ADCY9: variants seen among roughly 807,000 people sequenced by gnomAD.
ADCY9 encodes the protein adenylate cyclase type 9.
ADCY9 carries 50 observed loss-of-function variants against 101.5 expected under a neutral mutation model. The observed-to-expected ratio is 0.49, with a 90% CI of 0.39 to 0.62. The LOEUF is 0.62. ADCY9 is among the 20% of genes least tolerant of loss of function. The probability of loss-of-function intolerance (pLI) is 0.00; values close to 1 mark genes in which losing one functional copy is unlikely to be tolerated. For synonymous variants in ADCY9, 905 were observed against 769.3 expected (o/e 1.18, Z -2.92); for missense variants, 1,662 against 1,800.4 (o/e 0.92, Z 1.39).
chr16:4,064,908 G>A (rs910090328), intron 2 of ADCY9, among the ~76,000 whole-genome samples: 17 of 152,168 alleles, frequency 1.1e-4, no homozygotes, highest in Admixed American at 3.9e-4. Context: ...TTTCCCTACA[G>A]GCTGATCCTT....
At chr16:4,037,869 A>G (rs1223116535) in intron 2 of ADCY9, among the ~76,000 whole-genome samples, 5 of 152,208 alleles carry the variant, frequency 3.3e-5, no homozygotes, top group Non-Finnish European at 7.3e-5. Context: ...AGCTGGTACT[A>G]GAAAAGAGAC....
At chr16:4,049,433 C>T (rs1465375249) in intron 2 of ADCY9, among the ~76,000 whole-genome samples, 3 of 152,174 alleles carry the variant, frequency 2.0e-5, no homozygotes, top group Admixed American at 2.0e-4. Flanking sequence ...CAGACCAAGA[C>T]CCTAGCCGAG....
intron 2 of ADCY9, among the ~76,000 whole-genome samples, chr16:4,011,083 C>T (rs991437204): frequency 2.4e-4 from 37 of 152,216 alleles, no homozygotes; most frequent in South Asian, 4.1e-4. Context: ...TGGAGACGGA[C>T]GGATCAGCAC....
At chr16:4,071,922 C>A (rs1038787656) in intron 2 of ADCY9, among the ~76,000 whole-genome samples, 1 of 151,978 alleles carries the variant, frequency 6.6e-6, no homozygotes, top group African/African-American at 2.4e-5. Flanking sequence ...GCGATTCTCG[C>A]GCCTCAGCCT....
chr16:4,025,863 T>C (rs2056511405), intron 2 of ADCY9, among the ~76,000 whole-genome samples: 1 of 152,030 alleles, frequency 6.6e-6, no homozygotes, highest in Non-Finnish European at 1.5e-5. Context: ...GTGGCTACGA[T>C]TGAGAGGATG....
rs965846411 is a variant in ADCY9, at chr16:4,082,487, C to A, written c.1693+31263G>T. On this transcript the variant is annotated intron_variant, in intron 2 of 10. Coordinates refer to ENST00000294016, the MANE Select transcript of ADCY9 (RefSeq NM_001116.4). Reference sequence around the variant, plus strand: ...TTCATGTCCTCCCCGTTCCCACACACCTACCTTCCTTACCAGCAGAAGCCT... The same window carrying A: ...TTCATGTCCTCCCCGTTCCCACACAACTACCTTCCTTACCAGCAGAAGCCT... 2.0e-5 allele frequency among the ~76,000 whole-genome samples: 3 copies of A among 152,212 alleles called. No homozygotes were observed. The South Asian group carries it at 6.2e-4, about 31-fold the overall frequency.
intron 10 of ADCY9, among the ~76,000 whole-genome samples, chr16:3,971,375 A>G (rs1237818901): frequency 6.6e-6 from 1 of 152,130 alleles, no homozygotes; most frequent in Admixed American, 6.5e-5. Flanking sequence ...GAGAGAGCAG[A>G]TTGCGGAGTC....
At chr16:4,096,946 G>A (rs2057007391) in intron 2 of ADCY9, among the ~76,000 whole-genome samples, 1 of 152,090 alleles carries the variant, frequency 6.6e-6, no homozygotes, top group Non-Finnish European at 1.5e-5. Context: ...TGGAAATTAT[G>A]CACAAAGACT....
intron 2 of ADCY9, among the ~76,000 whole-genome samples, chr16:4,010,826 C>T (rs928539147): frequency 1.6e-4 from 24 of 152,208 alleles, no homozygotes; most frequent in Non-Finnish European, 2.5e-4. Context: ...TAAGAGGTGA[C>T]GAGGCCAGGA....
At chr16:3,983,893 C>T (rs1327643050) in intron 6 of ADCY9, 3 of 157,328 alleles carry the variant, frequency 1.9e-5, no homozygotes, top group South Asian at 1.9e-4. Flanking sequence ...CCACTGCACT[C>T]CAGCCTGGGC....
chr16:4,004,093 T>A (rs373490850), intron 3 of ADCY9, among the ~76,000 whole-genome samples: 147 of 150,986 alleles, frequency 9.7e-4, no homozygotes, highest in East Asian at 6.2e-3. Flanking sequence ...AAAAAAAATT[T>A]AAAAATTAGC....
Position 4,115,229 on chromosome 16 carries a change from G to C in ADCY9, c.214C>G (p.Arg72Gly), listed in dbSNP as rs755610495. Residue 72 changes from arginine (R) to glycine (G), a missense_variant, in exon 2 of 11, where the codon CGG becomes GGG. By Grantham distance (125) the Arg-to-Gly change is moderately radical (BLOSUM62 -2). Coordinates refer to ENST00000294016, the MANE Select transcript of ADCY9 (RefSeq NM_001116.4). This position sits in a 1 kb window ranked among gnomAD's most constrained non-coding sequence, Gnocchi z 6.2. ...GGCAGCTTCTTCTGCCTGCGCAGCC[G>C]GCCTCCGCCGCCCACTCGCCGGGGG... ...GVPRRVGGGG[R>G]LRRQKKLPQL... 1.2e-6 allele frequency: 2 copies of C among 1,613,132 alleles called. No homozygotes were observed. The highest frequency in any genetic ancestry group is 1.7e-6 in the Non-Finnish European group (2 of 1,179,636).
intron 2 of ADCY9, among the ~76,000 whole-genome samples, chr16:4,112,248 T>C (rs987930099): frequency 3.3e-5 from 5 of 152,222 alleles, no homozygotes; most frequent in Non-Finnish European, 5.9e-5. Flanking sequence ...CGGCAGCATC[T>C]TTCAAGTGAA....
Position 4,114,407 on chromosome 16 carries a change from AGT to A in ADCY9, c.1034_1035del (p.Asp345ValfsTer7). The A allele has an allele frequency of 6.2e-7, 1 of 1,614,104 alleles. No homozygotes were observed. Among genetic ancestry groups the A allele is most frequent in the Non-Finnish European group, 8.5e-7 (1 of 1,180,038 alleles). On this transcript the variant is annotated frameshift_variant, in exon 2 of 11. Coordinates refer to ENST00000294016, the MANE Select transcript of ADCY9 (RefSeq NM_001116.4). LOFTEE classifies it high-confidence loss of function. This position sits in a 1 kb window ranked among gnomAD's most constrained non-coding sequence, Gnocchi z 4.3. ...CTCTCCTCATCTCCCTGCTTCATTA[AGT>A]CATCGGCTATGATTCTTGGCATCAC... ...HSVMPRIIAD[D>X]LMKQGDEESE...
rs55742993 is a variant in ADCY9, at chr16:4,074,716, C to CAAA, written c.1693+39031_1693+39033dup. ...TGGATGACAGGGCAATACCCAGTGG[C>CAAA]AAAAAAAAAAAAAAATAGAAAACAC... is the stretch of plus-strand genomic sequence containing the variant. On this transcript the variant is annotated intron_variant, in intron 2 of 10. Transcript: ENST00000294016. 5.0e-5 allele frequency among the ~76,000 whole-genome samples: 5 copies of CAAA among 100,412 alleles called. 1 individual carries two copies. Among genetic ancestry groups the CAAA allele is most frequent in the Non-Finnish European group, 5.9e-5 (3 of 51,182 alleles). 65.9% of individuals were successfully genotyped at this position (100,412 alleles called of 152,430 possible).
intron 2 of ADCY9, among the ~76,000 whole-genome samples, chr16:4,018,157 C>T (rs1403196696): frequency 6.6e-6 from 1 of 152,148 alleles, no homozygotes; most frequent in Non-Finnish European, 1.5e-5. Context: ...GGAGCCACCT[C>T]GCCTGTAAAC....
Position 3,983,319 on chromosome 16 carries a change from G to A in ADCY9, c.2432C>T (p.Ala811Val), listed in dbSNP as rs372048350. Residue 811 changes from alanine to valine, a missense_variant, in exon 7 of 11, where the codon GCG (alanine) becomes GTG (valine). Physicochemically the swap from Ala to Val is moderately conservative, Grantham distance 64 (BLOSUM62 0). Transcript: ENST00000294016. ...GGCGGGCGGGGGAGGCACGGTGGCCGCCTCGTACTTCAGGAAGCAGGTGGT... is the reference window on the plus strand; with the variant it reads ...GGCGGGCGGGGGAGGCACGGTGGCCACCTCGTACTTCAGGAAGCAGGTGGT... ...LSTTCFLKYEAATVPPPPAAL... is the reference protein window; with the variant it reads ...LSTTCFLKYEVATVPPPPAAL... The A allele has an allele frequency of 5.7e-5, 90 of 1,574,740 alleles. No homozygotes were observed. Among genetic ancestry groups the A allele is most frequent in the Admixed American group, 1.9e-4 (10 of 53,938 alleles).
intron 2 of ADCY9, among the ~76,000 whole-genome samples, chr16:4,013,247 C>CAA (rs397772100): frequency 8.9e-4 from 90 of 100,892 alleles, no homozygotes; most frequent in Middle Eastern, 9.6e-3. Flanking sequence ...GACCCTGTCT[C>CAA]AAAAAAAAAA....
intron 2 of ADCY9, among the ~76,000 whole-genome samples, chr16:4,027,746 C>G (rs546169467): frequency 3.9e-5 from 6 of 152,014 alleles, no homozygotes; most frequent in South Asian, 2.1e-4. Context: ...GTGTGGTGGT[C>G]CATGCCTGTA....
Sources: allele counts gnomAD v4.1 joint callset (sites outside exome capture counted in the v4.1 genomes callset), GRCh38; gene constraint gnomAD v4.1.1; non-coding constraint Gnocchi (gnomAD v3.1); transcripts MANE v1.5; gene names NCBI Gene and HGNC (gene_info 2026-07-23, HGNC 2026-07-21).